TLL1: variants seen among roughly 807,000 people sequenced by gnomAD.
The protein encoded by TLL1 is tolloid-like protein 1.
A neutral mutation model predicts 128.2 loss-of-function variants in TLL1; 49 were observed. The observed-to-expected ratio is 0.38, with a 90% confidence interval of 0.30 to 0.48. The LOEUF is 0.48. TLL1 is among the 20% of genes least tolerant of loss of function. The probability of loss-of-function intolerance (pLI) is 0.96; values close to 1 mark genes in which losing one functional copy is unlikely to be tolerated. For missense variants in TLL1, 1,123 were observed against 1,242.0 expected (o/e 0.90, Z 1.44); for synonymous variants, 454 against 418.8 (o/e 1.08, Z -1.03).
chr4:166,067,705 A>G (rs1265962988), intron 16 of TLL1, among the ~76,000 whole-genome samples: 6 of 151,812 alleles, frequency 4.0e-5, no homozygotes. Flanking sequence ...TAACATGACA[A>G]TAGTTTTCAA....
intron 1 of TLL1, among the ~76,000 whole-genome samples, chr4:165,936,921 A>G (rs1462782358): frequency 6.6e-6 from 1 of 152,156 alleles, no homozygotes; most frequent in Admixed American, 6.5e-5. Context: ...TGACAGAGTG[A>G]GACTCCATCT....
chr4:165,965,985 C>T (rs933116142), intron 1 of TLL1, among the ~76,000 whole-genome samples: 15 of 151,972 alleles, frequency 9.9e-5, no homozygotes, highest in African/African-American at 2.7e-4. Context: ...TCAAGACCAG[C>T]GTGGCCAAGA....
At chr4:166,050,218 C>T (rs1054360647) in intron 12 of TLL1, among the ~76,000 whole-genome samples, 5 of 152,012 alleles carry the variant, frequency 3.3e-5, no homozygotes, top group African/African-American at 9.7e-5. Flanking sequence ...CCTCCTTCCC[C>T]TAATTCCTTA....
chr4:166,032,150 A>G (rs1738797465), intron 9 of TLL1, among the ~76,000 whole-genome samples: 1 of 152,086 alleles, frequency 6.6e-6, no homozygotes. Flanking sequence ...AGATATTCAA[A>G]TAAAAACAAA....
At chr4:165,920,625 A>AAAACCG (rs1204389845) in intron 1 of TLL1, among the ~76,000 whole-genome samples, 4 of 152,230 alleles carry the variant, frequency 2.6e-5, no homozygotes, top group Non-Finnish European at 5.9e-5. Context: ...ATTTTCATTA[A>AAAACCG]AAACCGAGAT....
chr4:165,924,890 A>G (rs1733199525), intron 1 of TLL1, among the ~76,000 whole-genome samples: 1 of 152,234 alleles, frequency 6.6e-6, no homozygotes, highest in African/African-American at 2.4e-5. Flanking sequence ...TAGGAATTAT[A>G]CTAAATCTAC....
At chr4:165,874,429 A>G (rs1056061878) in intron 1 of TLL1, among the ~76,000 whole-genome samples, 1 of 152,164 alleles carries the variant, frequency 6.6e-6, no homozygotes, top group African/African-American at 2.4e-5. Flanking sequence ...GGCTTTATGC[A>G]TATGGAAGGG....
intron 1 of TLL1, among the ~76,000 whole-genome samples, chr4:165,915,636 A>G (rs1159614421): frequency 6.6e-6 from 1 of 152,132 alleles, no homozygotes. Context: ...GTGAGGGAGG[A>G]GCAGGGCTAG....
chr4:165,972,554 C>T (rs995452624), intron 1 of TLL1, among the ~76,000 whole-genome samples: 4 of 152,082 alleles, frequency 2.6e-5, no homozygotes, highest in East Asian at 1.9e-4. Context: ...ATCCAGCATC[C>T]ATTCTTTTGA....
chr4:166,063,015 T>A (rs1337803098), intron 15 of TLL1, among the ~76,000 whole-genome samples: 4 of 152,152 alleles, frequency 2.6e-5, no homozygotes, highest in Non-Finnish European at 5.9e-5. Flanking sequence ...ATATGATGGA[T>A]TACATTTATT....
At chr4:166,030,956 A>C in intron 9 of TLL1, 1 of 973,962 alleles carries the variant, frequency 1.0e-6, no homozygotes, top group South Asian at 4.7e-5. Flanking sequence ...AGCTTGCAAA[A>C]ATACCTTCAT....
At chr4:165,930,733 T>G (rs1243300890) in intron 1 of TLL1, among the ~76,000 whole-genome samples, 1 of 152,240 alleles carries the variant, frequency 6.6e-6, no homozygotes, top group African/African-American at 2.4e-5. Context: ...ATTCTTCTTT[T>G]GAAAAAGTGA....
At chr4:165,907,911 T>C (rs1732343788) in intron 1 of TLL1, among the ~76,000 whole-genome samples, 1 of 152,218 alleles carries the variant, frequency 6.6e-6, no homozygotes, top group South Asian at 2.1e-4. Context: ...CTGTTCATTA[T>C]ATCAATTGAT....
At chr4:166,014,999 CA>C (rs1737869439) in intron 8 of TLL1, among the ~76,000 whole-genome samples, 1 of 151,504 alleles carries the variant, frequency 6.6e-6, no homozygotes, top group South Asian at 2.1e-4. Flanking sequence ...ACAATTTTAT[CA>C]GTAGGAATTT....
intron 5 of TLL1, 41 bp from the exon 6 acceptor site, chr4:166,003,350 C>G (rs751386671): frequency 1.1e-5 from 17 of 1,609,210 alleles, no homozygotes; most frequent in Non-Finnish European, 1.4e-5. Flanking sequence ...TTGTCCAGCA[C>G]CACCTTTCCA....
chr4:166,027,408 T>C (rs1034580477), intron 9 of TLL1, among the ~76,000 whole-genome samples: 6 of 152,168 alleles, frequency 3.9e-5, no homozygotes, highest in South Asian at 2.1e-4. Flanking sequence ...AACTGAATGG[T>C]ATTAGGAGAT....
At chr4:166,011,376 T>C (rs192718411) in intron 7 of TLL1, among the ~76,000 whole-genome samples, 65 of 151,660 alleles carry the variant, frequency 4.3e-4, no homozygotes, top group Non-Finnish European at 6.2e-4. Flanking sequence ...TTAAGTTTTT[T>C]TCTAAGGTTT....
At position 166,042,052 on chromosome 4, in the gene TLL1, T is replaced by G. The variant is rs756834035; in HGVS notation, c.1287T>G (p.Pro429=). ...GTAGATTCTGTGGGGACAAATTGCC[T>G]GAAGTTCTTACTTCTACAGACAGCA... ...LLGRFCGDKL[P]EVLTSTDSRM... is the part of the protein sequence containing the mutation. Residue 429 remains proline, a synonymous_variant, in exon 11 of 21, where the codon CCT becomes CCG. Coordinates refer to ENST00000061240, the MANE Select transcript of TLL1 (RefSeq NM_012464.5). The G allele has an allele frequency of 9.9e-6, 16 of 1,611,758 alleles. No homozygotes were observed. The highest frequency in any genetic ancestry group is 3.3e-4 in the Middle Eastern group (2 of 6,066).
At chr4:166,000,533 A>G (rs1737098721) in intron 5 of TLL1, among the ~76,000 whole-genome samples, 3 of 152,174 alleles carry the variant, frequency 2.0e-5, no homozygotes, top group Admixed American at 1.3e-4. Flanking sequence ...AAATAAATTG[A>G]CCACATTGCT....
Sources: allele counts gnomAD v4.1 joint callset (sites outside exome capture counted in the v4.1 genomes callset), GRCh38; gene constraint gnomAD v4.1.1; transcripts MANE v1.5; gene names NCBI Gene and HGNC (gene_info 2026-07-23, HGNC 2026-07-21).